NAALADL2: variants seen among roughly 807,000 people sequenced by gnomAD.
NAALADL2 encodes inactive N-acetylated-alpha-linked acidic dipeptidase-like protein 2.
A neutral mutation model predicts 87.2 loss-of-function variants in NAALADL2; 76 were observed. The ratio of observed to expected loss-of-function variants is 0.87; its 90% CI spans 0.72 to 1.05. NAALADL2 has a LOEUF of 1.05. NAALADL2 is among the 50% of genes least tolerant of loss of function. The pLI is 0.00. For synonymous variants in NAALADL2, 354 were observed against 331.0 expected (o/e 1.07, Z -0.75); for missense variants, 1,089 against 945.8 (o/e 1.15, Z -1.99).
intron 9 of NAALADL2, among the ~76,000 whole-genome samples, chr3:175,573,395 C>A (rs1718376469): frequency 2.0e-5 from 3 of 152,106 alleles, no homozygotes; most frequent in Admixed American, 6.6e-5. Flanking sequence ...TTATCATATC[C>A]TCATTAATGA....
At chr3:175,218,739 AATATT>A (rs1234805441) in intron 2 of NAALADL2, among the ~76,000 whole-genome samples, 5 of 152,036 alleles carry the variant, frequency 3.3e-5, no homozygotes, top group African/African-American at 1.2e-4. Flanking sequence ...TTGCATATAA[AATATT>A]ATATAGTAAT....
At chr3:175,419,839 T>C (rs923562377) in intron 5 of NAALADL2, among the ~76,000 whole-genome samples, 6 of 152,014 alleles carry the variant, frequency 3.9e-5, no homozygotes, top group African/African-American at 1.4e-4. Flanking sequence ...GTATGCTTCA[T>C]AGAAGAAGTG....
chr3:175,727,054 G>A (rs1243800010), intron 11 of NAALADL2, among the ~76,000 whole-genome samples: 1 of 152,114 alleles, frequency 6.6e-6, no homozygotes, highest in African/African-American at 2.4e-5. Context: ...GTGGAGACAT[G>A]CCTTGTTTAT....
At chr3:174,940,720 A>G (rs1173486040) in intron 1 of NAALADL2, among the ~76,000 whole-genome samples, 4 of 151,968 alleles carry the variant, frequency 2.6e-5, no homozygotes, top group African/African-American at 9.7e-5. Context: ...CAGGGAATTA[A>G]TTTCTTCCTG....
rs182971703 is a variant in NAALADL2 at position 174,613,457 on chromosome 3, G to A, written c.-115+62820G>A. On this transcript the variant is annotated intron_variant, in intron 2 of 3. Coordinates refer to the NAALADL2 transcript ENST00000434257. The stretch of plus-strand genomic sequence containing the variant: ...AACCTTAGAAGTCTATCTACTTAGT[G>A]TGCTATCGTAGTGTGGCTGAGCTGG... 1.4e-3 allele frequency among the ~76,000 whole-genome samples: 209 copies of A among 152,146 alleles called. 1 individual carries two copies. Among genetic ancestry groups the A allele is most frequent in the Non-Finnish European group, 2.5e-3 (171 of 68,026 alleles).
chr3:174,494,477 G>A (rs573504330), intron 1 of NAALADL2, among the ~76,000 whole-genome samples: 5 of 146,646 alleles, frequency 3.4e-5, no homozygotes, highest in African/African-American at 1.3e-4. Flanking sequence ...CCTGTCCTGG[G>A]GTGGGGGGAG....
chr3:175,744,400 T>C (rs1745647644), intron 12 of NAALADL2, among the ~76,000 whole-genome samples: 1 of 152,234 alleles, frequency 6.6e-6, no homozygotes. Flanking sequence ...TGCATGTGCT[T>C]AGTTTTCTTT....
At chr3:174,873,186 ACTCT>A (rs971278871) in intron 1 of NAALADL2, among the ~76,000 whole-genome samples, 3 of 141,942 alleles carry the variant, frequency 2.1e-5, no homozygotes, top group East Asian at 2.0e-4. Context: ...ACTAAAACTC[ACTCT>A]CTCTGTCTGT....
At chr3:175,060,776 C>T (rs865938479) in intron 1 of NAALADL2, among the ~76,000 whole-genome samples, 10 of 152,058 alleles carry the variant, frequency 6.6e-5, no homozygotes, top group East Asian at 1.9e-4. Context: ...TTCTGAGTGC[C>T]GTGGCTCATG....
rs577313767 is a variant in NAALADL2 at position 174,753,192 on chromosome 3, G to T, written c.-9+15446G>T. Among the ~76,000 whole-genome samples the T allele has an allele frequency of 3.7e-3, 558 of 152,152 alleles. 4 individuals are homozygous for T. Among genetic ancestry groups the T allele is most frequent in the Non-Finnish European group, 5.7e-3 (386 of 68,018 alleles). On this transcript the variant is annotated intron_variant, in intron 3 of 3. Transcript: ENST00000434257. ...CATCTCAAGCGATTCTCCTGCCTCA[G>T]CCTCCCAAGTAGCTGGTATTACAGG... is the stretch of plus-strand genomic sequence containing the variant.
At chr3:175,757,379 G>A (rs1237056645) in intron 13 of NAALADL2, among the ~76,000 whole-genome samples, 1 of 152,036 alleles carries the variant, frequency 6.6e-6, no homozygotes, top group Non-Finnish European at 1.5e-5. Flanking sequence ...GACCACGTGA[G>A]GTTTAAGGTG....
chr3:175,462,095 T>C (rs1446881557), intron 6 of NAALADL2, among the ~76,000 whole-genome samples: 1 of 152,148 alleles, frequency 6.6e-6, no homozygotes, highest in Non-Finnish European at 1.5e-5. Context: ...CAATGTAAAC[T>C]ATGGACTTTA....
intron 13 of NAALADL2, among the ~76,000 whole-genome samples, chr3:175,794,920 G>A (rs1400683467): frequency 1.3e-5 from 2 of 152,142 alleles, no homozygotes; most frequent in African/African-American, 2.4e-5. Flanking sequence ...CAAGATCAGG[G>A]TGCCAGCCTG....
At chr3:175,673,178 C>T (rs977463681) in intron 11 of NAALADL2, among the ~76,000 whole-genome samples, 8 of 152,136 alleles carry the variant, frequency 5.3e-5, no homozygotes, top group African/African-American at 1.9e-4. Context: ...ATCTTTTTAA[C>T]AGGCAGAGTA....
intron 3 of NAALADL2, among the ~76,000 whole-genome samples, chr3:174,845,020 GA>G (rs1014865900): frequency 6.6e-6 from 1 of 151,782 alleles, no homozygotes; most frequent in African/African-American, 2.4e-5. Context: ...TGACTTTTTG[GA>G]AAATGTGATG....
intron 2 of NAALADL2, among the ~76,000 whole-genome samples, chr3:174,595,254 T>G (rs1717772705): frequency 6.6e-6 from 1 of 152,044 alleles, no homozygotes; most frequent in Admixed American, 6.6e-5. Context: ...TCTGCCCGCT[T>G]CTTGTCTCTT....
chr3:174,895,809 A>G (rs886675326), intron 1 of NAALADL2, among the ~76,000 whole-genome samples: 1 of 152,094 alleles, frequency 6.6e-6, no homozygotes, highest in Admixed American at 6.5e-5. Context: ...AGAAAATACA[A>G]CCTGAATTCA....
chr3:174,505,285 G>A (rs2108377469), intron 1 of NAALADL2, among the ~76,000 whole-genome samples: 1 of 152,178 alleles, frequency 6.6e-6, no homozygotes, highest in Middle Eastern at 3.4e-3. Flanking sequence ...AGAGTGAAAT[G>A]AAAAAATTGT....
chr3:175,329,436 G>T (rs1761136926), intron 5 of NAALADL2, among the ~76,000 whole-genome samples: 2 of 152,144 alleles, frequency 1.3e-5, no homozygotes, highest in African/African-American at 2.4e-5. Context: ...ACTGTAATTT[G>T]TGACAAGTCA....
Sources: gnomAD v4.1 joint callset for allele counts (sites outside exome capture counted in the v4.1 genomes callset) on GRCh38, gnomAD v4.1.1 for gene constraint, MANE v1.5 for transcripts, NCBI Gene and HGNC (gene_info 2026-07-23, HGNC 2026-07-21) for gene names.